DCBLD2: variants seen among roughly 807,000 people sequenced by gnomAD.
DCBLD2 encodes discoidin, CUB and LCCL domain containing 2.
A neutral mutation model predicts 86.8 loss-of-function variants in DCBLD2; 54 were observed. The observed-to-expected ratio is 0.62, with a 90% CI of 0.50 to 0.78. The LOEUF is 0.78. Among genes scored for constraint, DCBLD2 ranks in the 30% least tolerant of loss-of-function variants. The pLI, the probability that DCBLD2 is intolerant of heterozygous loss-of-function variation, is 0.00. For missense variants in DCBLD2, 908 were observed against 954.2 expected (o/e 0.95, Z 0.64); for synonymous variants, 354 against 341.3 (o/e 1.04, Z -0.41).
chr3:98,895,121 G>T (rs1287077757), intron 1 of DCBLD2: 1 of 152,098 alleles, frequency 6.6e-6, no homozygotes, highest in Non-Finnish European at 1.5e-5. Flanking sequence ...TATCTTAGAA[G>T]AATAAAATTA....
chr3:98,819,275 C>A lies in DCBLD2; in HGVS notation c.1014G>T (p.Pro338=), dbSNP rs374878528. 1 of 1,612,642 alleles carries A rather than the reference C, an allele frequency of 6.2e-7. No individual in the cohort carries two copies. Among genetic ancestry groups the A allele is most frequent in the Non-Finnish European group, 8.5e-7 (1 of 1,179,262 alleles). Residue 338 remains proline, a synonymous_variant, in exon 8 of 16, where the codon CCG becomes CCT. Transcript: ENST00000326840. Reference sequence around the variant, plus strand: ...CATCAGTGGCAAAAGCAGCCCAAGGCGGTCCAGGTTTTTTCAGCCTGGCTT... The same window carrying A: ...CATCAGTGGCAAAAGCAGCCCAAGGAGGTCCAGGTTTTTTCAGCCTGGCTT... ...PKKARLKKPG[P]PWAAFATDEY...
At chr3:98,849,371 A>G in intron 3 of DCBLD2, 90 bp downstream of exon 3, 1 of 1,532,682 alleles carries the variant, frequency 6.5e-7, no homozygotes, top group Non-Finnish European at 9.0e-7. Context: ...CTCTATTCCA[A>G]TTTCAGAAAA....
Position 98,802,420 on chromosome 3 carries a change from ATTTG to A in DCBLD2, c.1671-775_1671-772del, listed in dbSNP as rs1313286559. Reference sequence around the variant, plus strand: ...ATGGGGTTGTTTTTTTTTCTTGTAAATTTGTTTGAGTTCTTTGTAGATTCTGGAT... The same window carrying A: ...ATGGGGTTGTTTTTTTTTCTTGTAAATTTGAGTTCTTTGTAGATTCTGGAT... On this transcript the variant is annotated intron_variant, in intron 13 of 15. Transcript: ENST00000326840. 5.3e-5 allele frequency among the ~76,000 whole-genome samples: 8 copies of A among 151,836 alleles called. No homozygotes were observed. In the East Asian group the frequency reaches 9.6e-4, roughly 18 times the overall value.
intron 10 of DCBLD2, among the ~76,000 whole-genome samples, chr3:98,812,021 TAAACAA>T (rs1177738315): frequency 6.6e-6 from 1 of 152,226 alleles, no homozygotes; most frequent in Non-Finnish European, 1.5e-5. Context: ...ATGCTTATGT[TAAACAA>T]ATATTACAGT....
rs1942133321 is a variant in DCBLD2 at position 98,822,231 on chromosome 3, A to G, written c.827T>C (p.Val276Ala). The G allele has an allele frequency of 6.2e-7, 1 of 1,613,776 alleles. No individual in the cohort carries two copies. The highest frequency in any genetic ancestry group is 8.5e-7 in the Non-Finnish European group (1 of 1,179,758). Reference sequence around the variant, plus strand: ...TTTAAATTGCATATATACTTACACCACAGATGTGACGTTGTTAGCCAAAGA... The same window carrying G: ...TTTAAATTGCATATATACTTACACCGCAGATGTGACGTTGTTAGCCAAAGA... Reference protein sequence around the residue: ...ESSLANNVTSVVGHLSTSLFT... With the variant: ...ESSLANNVTSAVGHLSTSLFT... The change falls in exon 6 of 16, where the codon GTG becomes GCG. Residue 276 changes from valine (V) to alanine (A), a missense_variant. Val to Ala is a moderately conservative substitution (Grantham distance 64). This residue lies in a region of DCBLD2 where 606 missense variants were observed against 678.5 expected (regional missense o/e 0.89). Transcript: ENST00000326840.
At chr3:98,849,646 C>A in intron 2 of DCBLD2, 48 bp from the exon 3 acceptor site, 1 of 1,574,802 alleles carries the variant, frequency 6.3e-7, no homozygotes, top group South Asian at 1.2e-5. Flanking sequence ...CTCATGAAGT[C>A]AATAATATTT....
chr3:98,858,231 C>T (rs1051802718), intron 2 of DCBLD2, among the ~76,000 whole-genome samples: 4 of 152,210 alleles, frequency 2.6e-5, no homozygotes, highest in African/African-American at 7.2e-5. Context: ...TGGGGCCTGC[C>T]GAGCCCACAC....
chr3:98,840,779 C>A (rs145620367), intron 3 of DCBLD2, among the ~76,000 whole-genome samples: 264 of 152,300 alleles, frequency 1.7e-3, no homozygotes, highest in Admixed American at 6.4e-3. Flanking sequence ...TATGTGAGCC[C>A]CCATGCCTGT....
At chr3:98,818,206 G>T (rs962849239) in intron 8 of DCBLD2, among the ~76,000 whole-genome samples, 1 of 152,144 alleles carries the variant, frequency 6.6e-6, no homozygotes. Context: ...ACAGATTAAA[G>T]ATGATTATTG....
intron 13 of DCBLD2, among the ~76,000 whole-genome samples, chr3:98,804,281 G>C (rs555030150): frequency 6.6e-6 from 1 of 152,120 alleles, no homozygotes; most frequent in South Asian, 2.1e-4. Context: ...TTGGGAGGGT[G>C]TATGTGTCCA....
intron 1 of DCBLD2, among the ~76,000 whole-genome samples, chr3:98,885,262 A>G (rs1384146903): frequency 6.6e-6 from 1 of 152,146 alleles, no homozygotes; most frequent in Non-Finnish European, 1.5e-5. Flanking sequence ...ACAGGTCTCC[A>G]ATCTACAGCA....
intron 1 of DCBLD2, among the ~76,000 whole-genome samples, chr3:98,888,972 C>CA (rs1237775528): frequency 2.6e-5 from 4 of 151,968 alleles, no homozygotes; most frequent in Non-Finnish European, 4.4e-5. Context: ...CTCTTACACC[C>CA]ACTGCATACT....
intron 1 of DCBLD2, among the ~76,000 whole-genome samples, chr3:98,899,082 TA>T (rs5851142): frequency 0.7 from 103,700 of 147,426 alleles, 36,650 homozygotes; most frequent in East Asian, 0.93. Flanking sequence ...TTAGAAGAAC[TA>T]AAAAAAAAAA....
chr3:98,841,889 C>T (rs1364261013), intron 3 of DCBLD2, among the ~76,000 whole-genome samples: 3 of 152,010 alleles, frequency 2.0e-5, no homozygotes, highest in Admixed American at 1.3e-4. Flanking sequence ...AGTGAAACCC[C>T]GTCTCTACCA....
At chr3:98,841,721 C>T (rs1454196606) in intron 3 of DCBLD2, among the ~76,000 whole-genome samples, 1 of 152,170 alleles carries the variant, frequency 6.6e-6, no homozygotes, top group African/African-American at 2.4e-5. Context: ...ACTATATTTG[C>T]TGTAAACATT....
intron 1 of DCBLD2, among the ~76,000 whole-genome samples, chr3:98,894,173 CTGAGGCTAA>C (rs1943711694): frequency 6.6e-6 from 1 of 152,112 alleles, no homozygotes; most frequent in African/African-American, 2.4e-5. Context: ...GAGGAAGCAC[CTGAGGCTAA>C]TGTCAGGCCT....
intron 3 of DCBLD2, among the ~76,000 whole-genome samples, chr3:98,848,015 G>A (rs1942759559): frequency 6.6e-6 from 1 of 152,054 alleles, no homozygotes; most frequent in Admixed American, 6.6e-5. Context: ...ACATGTGCAG[G>A]TTTGTTCCAT....
At chr3:98,886,062 T>C (rs866234786) in intron 1 of DCBLD2, among the ~76,000 whole-genome samples, 5 of 151,938 alleles carry the variant, frequency 3.3e-5, no homozygotes, top group Non-Finnish European at 4.4e-5. Flanking sequence ...GTTTAGCTCT[T>C]GGCTGGGTTC....
chr3:98,808,996 G>A (rs895977805), intron 12 of DCBLD2, among the ~76,000 whole-genome samples: 2 of 152,034 alleles, frequency 1.3e-5, no homozygotes, highest in Non-Finnish European at 1.5e-5. Flanking sequence ...TTGAAATGAC[G>A]TTACATCATA....
Sources: allele counts gnomAD v4.1 joint callset (sites outside exome capture counted in the v4.1 genomes callset), GRCh38; gene constraint gnomAD v4.1.1; regional missense constraint gnomAD v4.1.1; transcripts MANE v1.5; gene names NCBI Gene and HGNC (gene_info 2026-07-23, HGNC 2026-07-21).